The following MSI2 variants were observed in gnomAD, a reference collection of about 807,000 sequenced individuals.
The protein encoded by MSI2 is RNA-binding protein Musashi homolog 2.
Under a neutral mutation model 45.6 loss-of-function variants are expected in MSI2, and 17 were observed. The observed-to-expected ratio is 0.37, with a 90% CI of 0.26 to 0.56. The LOEUF (loss-of-function observed/expected upper bound fraction) is 0.56, where lower values mean the gene tolerates loss of function less well. Ranked by LOEUF, MSI2 falls within the 20% of genes least tolerant of loss-of-function variation. The pLI, the probability that MSI2 is intolerant of heterozygous loss-of-function variation, is 0.77. For synonymous variants in MSI2, 156 were observed against 158.2 expected (o/e 0.99, Z 0.11); for missense variants, 293 against 444.2 (o/e 0.66, Z 3.06).
intron 6 of MSI2, among the ~76,000 whole-genome samples, chr17:57,498,656 T>C (rs2086029851): frequency 6.6e-6 from 1 of 152,252 alleles, no homozygotes; most frequent in South Asian, 2.1e-4. Context: ...TTCTCTGCAG[T>C]ACACAGCATG....
chr17:57,509,581 C>T (rs945694489), intron 6 of MSI2, among the ~76,000 whole-genome samples: 8 of 152,216 alleles, frequency 5.3e-5, no homozygotes, highest in Admixed American at 2.6e-4. Flanking sequence ...CCACCATGCC[C>T]GGCTAATTTT....
At position 57,292,475 on chromosome 17, in the gene MSI2, A is replaced by G. The variant is rs570947925; in HGVS notation, c.312+30283A>G. On this transcript the variant is annotated intron_variant, in intron 5 of 13. Coordinates refer to ENST00000284073, the MANE Select transcript of MSI2 (RefSeq NM_138962.4). ...CATGTGCCTTAGACCTGGTGACTCC[A>G]GTGGGGTTGGGGTGGCAGGGTACCT... is the stretch of plus-strand genomic sequence containing the variant. 9.9e-5 allele frequency among the ~76,000 whole-genome samples: 15 copies of G among 152,256 alleles called. No individual in the cohort carries two copies. The South Asian group carries it at 2.9e-3, about 29-fold the overall frequency.
rs575773413 is a variant in MSI2 at position 57,441,832 on chromosome 17, C to A, written c.405+40361C>A. Reference sequence around the variant, plus strand: ...ACAGTAGGTGTGTAGCAATAGTAGTCATTGTTTTAGGCAAAGATGATGCCT... The same window carrying A: ...ACAGTAGGTGTGTAGCAATAGTAGTAATTGTTTTAGGCAAAGATGATGCCT... On this transcript the variant is annotated intron_variant, in intron 6 of 13. Transcript: ENST00000284073. 4.6e-5 allele frequency among the ~76,000 whole-genome samples: 7 copies of A among 152,210 alleles called. No individual in the cohort carries two copies. The South Asian group carries it at 1.5e-3, about 32-fold the overall frequency.
rs564574873 is a variant in MSI2, at chr17:57,274,223, A to G, written c.312+12031A>G. ...CACCCTGCATTTTACACATTGAAGT[A>G]AAATGTTATTTTTACTGTCGTTATT... On this transcript the variant is annotated intron_variant, in intron 5 of 13. Coordinates refer to ENST00000284073, the MANE Select transcript of MSI2 (RefSeq NM_138962.4). 2.6e-5 allele frequency: 4 copies of G among 152,368 alleles called. No homozygotes were observed. In the South Asian group the frequency reaches 8.3e-4, roughly 32 times the overall value. The allele number at this position is 152,368 out of a possible 1,614,324, so 9.4% of individuals were successfully genotyped here. A position where few individuals can be genotyped will look rare whatever the true frequency, so the allele number is the denominator to read the frequency against.
chr17:57,498,555 TC>T (rs1404930775), intron 6 of MSI2, among the ~76,000 whole-genome samples: 1 of 152,194 alleles, frequency 6.6e-6, no homozygotes, highest in Non-Finnish European at 1.5e-5. Context: ...AGGCCAGGCC[TC>T]ATGTCCACAT....
chr17:57,457,917 G>T (rs1199401529), intron 6 of MSI2, among the ~76,000 whole-genome samples: 1 of 151,474 alleles, frequency 6.6e-6, no homozygotes, highest in African/African-American at 2.4e-5. Context: ...TTTAAAAGAA[G>T]AAATAAAATA....
At position 57,679,705 on chromosome 17, in the gene MSI2, C is replaced by T. The variant is rs535021011; in HGVS notation, c.*188C>T. ...GGGTTGACTACATCTCATCATCTCA[C>T]GAATCTGCTGTAATATAAGACAACA... is the stretch of plus-strand genomic sequence containing the variant. On this transcript the variant is annotated 3_prime_UTR_variant, in exon 14 of 14. Transcript: ENST00000284073. 2.2e-5 allele frequency: 14 copies of T among 633,406 alleles called. No individual in the cohort carries two copies. The South Asian group carries it at 5.9e-4, about 27-fold the overall frequency. 39.2% of individuals were successfully genotyped at this position (633,406 alleles called of 1,614,324 possible).
chr17:57,492,052 C>T (rs2085883190), intron 6 of MSI2, among the ~76,000 whole-genome samples: 2 of 152,102 alleles, frequency 1.3e-5, no homozygotes, highest in African/African-American at 2.4e-5. Context: ...AAGAAAAAAA[C>T]AGATTTGCTG....
chr17:57,319,609 C>T (rs977269763), intron 5 of MSI2, among the ~76,000 whole-genome samples: 6 of 152,002 alleles, frequency 3.9e-5, no homozygotes, highest in African/African-American at 1.2e-4. Flanking sequence ...AAAACAAAAC[C>T]CTCTTGAGTA....
At chr17:57,382,503 A>G (rs2083614284) in intron 5 of MSI2, among the ~76,000 whole-genome samples, 2 of 152,204 alleles carry the variant, frequency 1.3e-5, no homozygotes, top group Admixed American at 1.3e-4. Flanking sequence ...AGCTTGAATG[A>G]AGATCTGGGG....
At position 57,338,580 on chromosome 17, in the gene MSI2, C is replaced by G. The variant is rs531407370; in HGVS notation, c.313-62799C>G. Among the ~76,000 whole-genome samples, 29 of 152,248 alleles carry G rather than the reference C, an allele frequency of 1.9e-4. No homozygotes were observed. In the South Asian group the frequency reaches 4.1e-3, roughly 22 times the overall value. ...TGTTGCATCCCAGTTGCTTGGGGACCCTGAAGGCTGCATAACTCGTAGCCG... is the reference window on the plus strand; with the variant it reads ...TGTTGCATCCCAGTTGCTTGGGGACGCTGAAGGCTGCATAACTCGTAGCCG... On this transcript the variant is annotated intron_variant, in intron 5 of 13. Transcript: ENST00000284073.
intron 6 of MSI2, among the ~76,000 whole-genome samples, chr17:57,484,648 A>G (rs1417708784): frequency 1.3e-5 from 2 of 152,188 alleles, no homozygotes; most frequent in Admixed American, 6.5e-5. Context: ...GGCTTCTCAG[A>G]AAGCAGTTGT....
intron 5 of MSI2, among the ~76,000 whole-genome samples, chr17:57,290,570 C>G (rs536819121): frequency 2.3e-4 from 35 of 152,362 alleles, no homozygotes; most frequent in African/African-American, 7.2e-4. Flanking sequence ...GCCTTGGCCT[C>G]TCCAAATGTT....
chr17:57,351,461 C>G (rs991032046), intron 5 of MSI2, among the ~76,000 whole-genome samples: 1 of 152,190 alleles, frequency 6.6e-6, no homozygotes, highest in African/African-American at 2.4e-5. Context: ...AACAAATCCT[C>G]AGCCCCCTGC....
At chr17:57,416,416 A>T (rs1005938051) in intron 6 of MSI2, among the ~76,000 whole-genome samples, 1 of 152,180 alleles carries the variant, frequency 6.6e-6, no homozygotes, top group African/African-American at 2.4e-5. Context: ...GAATTAAAGG[A>T]GGCACATGGG....
intron 5 of MSI2, among the ~76,000 whole-genome samples, chr17:57,336,225 C>T (rs779449026): frequency 6.6e-6 from 1 of 152,134 alleles, no homozygotes; most frequent in Non-Finnish European, 1.5e-5. Flanking sequence ...CTGCTGAAGA[C>T]TGGGATGTAG....
chr17:57,295,174 A>G (rs1910811705), intron 5 of MSI2, among the ~76,000 whole-genome samples: 1 of 152,128 alleles, frequency 6.6e-6, no homozygotes. Context: ...GGTCATGGTC[A>G]TGTGTCTTTC....
At chr17:57,450,670 CAAAAAA>C (rs58773765) in intron 6 of MSI2, among the ~76,000 whole-genome samples, 1 of 31,940 alleles carries the variant, frequency 3.1e-5, no homozygotes, top group African/African-American at 1.2e-4. Flanking sequence ...GACTGCATCT[CAAAAAA>C]AAAAAAAAAA....
At chr17:57,507,203 A>G (rs1331186930) in intron 6 of MSI2, among the ~76,000 whole-genome samples, 5 of 136,858 alleles carry the variant, frequency 3.7e-5, no homozygotes, top group Admixed American at 1.4e-4. Context: ...ATCTCTTCCC[A>G]TTGGTTTTTG....
Sources: allele counts gnomAD v4.1 joint callset (sites outside exome capture counted in the v4.1 genomes callset), GRCh38; gene constraint gnomAD v4.1.1; transcripts MANE v1.5; gene names NCBI Gene and HGNC (gene_info 2026-07-23, HGNC 2026-07-21).